Variants in STXBP5L observed in about 807,000 individuals in gnomAD.
STXBP5L encodes syntaxin binding protein 5L.
In STXBP5L, 65 loss-of-function variants were observed where a neutral mutation model predicts 144.5. The observed-to-expected ratio is 0.45, with a 90% CI of 0.37 to 0.55. STXBP5L has a LOEUF of 0.55. Among genes scored for constraint, STXBP5L ranks in the 20% least tolerant of loss-of-function variants. The pLI is 0.00. For missense variants in STXBP5L, 1,298 were observed against 1,405.5 expected (o/e 0.92, Z 1.22); for synonymous variants, 505 against 469.6 (o/e 1.08, Z -0.97).
At chr3:121,083,236 A>C (rs925801725) in intron 5 of STXBP5L, among the ~76,000 whole-genome samples, 2 of 151,980 alleles carry the variant, frequency 1.3e-5, no homozygotes, top group African/African-American at 4.8e-5. Context: ...TCACTTTTAC[A>C]TTTCTATTCA....
chr3:121,362,485 G>C (rs2045740536), intron 20 of STXBP5L, among the ~76,000 whole-genome samples: 1 of 152,146 alleles, frequency 6.6e-6, no homozygotes, highest in African/African-American at 2.4e-5. Flanking sequence ...TTTTTTAAAA[G>C]CAGAGGAGCT....
intron 3 of STXBP5L, among the ~76,000 whole-genome samples, chr3:120,976,910 C>T (rs962907069): frequency 2.4e-4 from 36 of 151,920 alleles, no homozygotes; most frequent in Admixed American, 2.0e-3. Context: ...GTCTGAGAGA[C>T]AGTTTGTTAT....
Position 121,279,965 on chromosome 3 carries a change from T to TA in STXBP5L, c.2110+13dup, listed in dbSNP as rs1186023837. 4 of 1,609,404 alleles carry TA rather than the reference T, an allele frequency of 2.5e-6. No individual in the cohort carries two copies. The highest frequency in any genetic ancestry group is 3.4e-6 in the Non-Finnish European group (4 of 1,177,862). On this transcript the variant is annotated intron_variant, in intron 19 of 26. Transcript: ENST00000471454. The stretch of plus-strand genomic sequence containing the variant: ...CAAACAGTTCATTGCAGGTAGGAGA[T>TA]AAAACAAGATGAGTTATGAACTTGA...
chr3:121,364,180 G>A (rs950836502), intron 20 of STXBP5L, among the ~76,000 whole-genome samples: 2 of 152,110 alleles, frequency 1.3e-5, no homozygotes, highest in Admixed American at 6.5e-5. Flanking sequence ...GCACCATCAA[G>A]TTTTACCTGC....
At chr3:121,013,172 C>A (rs760969974) in intron 3 of STXBP5L, among the ~76,000 whole-genome samples, 1 of 151,888 alleles carries the variant, frequency 6.6e-6, no homozygotes, top group Non-Finnish European at 1.5e-5. Context: ...GGCCAAATGA[C>A]TTTTTGGTGG....
intron 20 of STXBP5L, among the ~76,000 whole-genome samples, chr3:121,348,748 G>A (rs764474430): frequency 1.3e-5 from 2 of 152,062 alleles, no homozygotes; most frequent in Non-Finnish European, 2.9e-5. Flanking sequence ...TTTGCTTAGA[G>A]GTGTTTATGG....
At chr3:121,059,165 G>A (rs1948650752) in intron 5 of STXBP5L, among the ~76,000 whole-genome samples, 1 of 152,110 alleles carries the variant, frequency 6.6e-6, no homozygotes, top group African/African-American at 2.4e-5. Context: ...TGTAAGGAAG[G>A]GGTCCAGTTT....
chr3:121,073,067 G>A (rs983146904), intron 5 of STXBP5L, among the ~76,000 whole-genome samples: 24 of 152,194 alleles, frequency 1.6e-4, no homozygotes, highest in Admixed American at 3.3e-4. Context: ...CATCCAGCCC[G>A]TCTGACACCT....
chr3:121,379,178 G>C (rs1402265634), intron 21 of STXBP5L, among the ~76,000 whole-genome samples: 1 of 152,168 alleles, frequency 6.6e-6, no homozygotes, highest in East Asian at 1.9e-4. Flanking sequence ...TAATAATTAA[G>C]AGTTTATTTC....
chr3:120,956,190 ATTTTAG>A (rs796904672), intron 3 of STXBP5L, among the ~76,000 whole-genome samples: 9 of 152,034 alleles, frequency 5.9e-5, no homozygotes, highest in African/African-American at 1.9e-4. Context: ...GTAATTAGAT[ATTTTAG>A]TTTTAATTTT....
At chr3:120,979,985 A>G (rs769509887) in intron 3 of STXBP5L, among the ~76,000 whole-genome samples, 86 of 152,214 alleles carry the variant, frequency 5.6e-4, no homozygotes, top group Non-Finnish European at 7.5e-4. Flanking sequence ...TGATGCAACA[A>G]TCTTTCAGGA....
intron 20 of STXBP5L, among the ~76,000 whole-genome samples, chr3:121,354,508 CTTTTTTTTTT>C (rs145703750): frequency 6.7e-4 from 45 of 67,542 alleles, no homozygotes; most frequent in Non-Finnish European, 1.1e-3. Context: ...TGCAACCCTG[CTTTTTTTTTT>C]TTTTTTTTTT....
In STXBP5L at chr3:121,202,332, C is replaced by T. The variant is rs201563089; in HGVS notation, c.878-3591C>T. ...TGTTCCAATACAGCTTTGCTCTCAC[C>T]CACCTTCTTTTTCTTGTTATTGGCA... On this transcript the variant is annotated intron_variant, in intron 9 of 26. Transcript: ENST00000471454. 5.3e-5 allele frequency among the ~76,000 whole-genome samples: 8 copies of T among 152,144 alleles called. No homozygotes were observed. The East Asian group carries it at 1.5e-3, about 29-fold the overall frequency.
intron 5 of STXBP5L, among the ~76,000 whole-genome samples, chr3:121,086,792 C>T (rs2042517240): frequency 1.3e-5 from 2 of 152,030 alleles, no homozygotes; most frequent in Admixed American, 1.3e-4. Flanking sequence ...TTGGGATACT[C>T]AACCTGTACC....
rs1464261516 is a variant in STXBP5L, at chr3:120,978,210, C to G, written c.287+23173C>G. ...TCAGATGTAGATTCCGTCTTTTCAC[C>G]TAGTCCCATATTTCTTGGAGGCTTT... On this transcript the variant is annotated intron_variant, in intron 3 of 26. Coordinates refer to ENST00000471454, the MANE Select transcript of STXBP5L (RefSeq NM_001308330.2). Among the ~76,000 whole-genome samples, 3 of 152,186 alleles carry G rather than the reference C, an allele frequency of 2.0e-5. No homozygotes were observed. In the East Asian group the frequency reaches 5.8e-4, roughly 29 times the overall value.
chr3:121,216,342 T>G (rs1266166813), intron 10 of STXBP5L, among the ~76,000 whole-genome samples: 2 of 152,248 alleles, frequency 1.3e-5, no homozygotes, highest in Admixed American at 1.3e-4. Context: ...CCTTTGGTCT[T>G]GGTGACCTTC....
chr3:121,167,597 C>T (rs929570509), intron 9 of STXBP5L, among the ~76,000 whole-genome samples: 7 of 152,028 alleles, frequency 4.6e-5, no homozygotes, highest in African/African-American at 1.7e-4. Flanking sequence ...CTTAACTCAG[C>T]AAAACATCTG....
At chr3:121,111,185 C>T (rs1576987199) in intron 5 of STXBP5L, among the ~76,000 whole-genome samples, 1 of 152,268 alleles carries the variant, frequency 6.6e-6, no homozygotes, top group East Asian at 1.9e-4. Flanking sequence ...TTAGAACATG[C>T]TCCTTTAGCT....
intron 15 of STXBP5L, among the ~76,000 whole-genome samples, chr3:121,253,599 GTGTATATATA>G (rs1051545631): frequency 1.4e-5 from 2 of 147,372 alleles, no homozygotes; most frequent in African/African-American, 2.5e-5. Context: ...ACATATATAT[GTGTATATATA>G]TGTATATATA....
Sources: gnomAD v4.1 joint callset for allele counts (sites outside exome capture counted in the v4.1 genomes callset) on GRCh38, gnomAD v4.1.1 for gene constraint, MANE v1.5 for transcripts, NCBI Gene and HGNC (gene_info 2026-07-23, HGNC 2026-07-21) for gene names.